Variants in PPT1 observed in about 807,000 individuals in gnomAD.
PPT1 encodes palmitoyl-protein thioesterase 1, also known as ceroid-palmitoyl-palmitoyl-protein thioesterase 1.
PPT1 carries 24 observed loss-of-function variants against 44.0 expected under a neutral mutation model. That is an observed-to-expected ratio of 0.54 (90% CI 0.39 to 0.77). The LOEUF (loss-of-function observed/expected upper bound fraction) is 0.77, where lower values mean the gene tolerates loss of function less well. PPT1 is among the 30% of genes least tolerant of loss of function. PPT1 has a pLI of 0.00. For missense variants in PPT1, 341 were observed against 378.8 expected (o/e 0.90, Z 0.83); for synonymous variants, 148 against 140.2 (o/e 1.06, Z -0.39).
chr1:40,081,539 A>AAAAT (rs778068945), intron 5 of PPT1, among the ~76,000 whole-genome samples: 1,268 of 71,552 alleles, frequency 0.018, 18 homozygotes, highest in African/African-American at 0.051. Flanking sequence ...TCCATCTCAA[A>AAAAT]AAATAAATAA....
At chr1:40,087,226 T>C (rs1570464552) in intron 5 of PPT1, among the ~76,000 whole-genome samples, 1 of 152,018 alleles carries the variant, frequency 6.6e-6, no homozygotes, top group East Asian at 1.9e-4. Context: ...CATCAATCTA[T>C]AGCTTTTAAT....
intron 5 of PPT1, among the ~76,000 whole-genome samples, chr1:40,082,820 A>G (rs1169591780): frequency 6.6e-6 from 1 of 152,210 alleles, no homozygotes; most frequent in African/African-American, 2.4e-5. Context: ...ACAAATTTTC[A>G]GTGTAGGTGA....
intron 8 of PPT1, chr1:40,076,565 C>T (rs1332092895): frequency 1.0e-6 from 1 of 968,420 alleles, no homozygotes; most frequent in Non-Finnish European, 1.2e-6. Context: ...ACCTTTTTAT[C>T]AAAAGAAGGG....
At chr1:40,084,665 T>C (rs568656845) in intron 5 of PPT1, among the ~76,000 whole-genome samples, 20 of 152,360 alleles carry the variant, frequency 1.3e-4, no homozygotes, top group African/African-American at 4.6e-4. Flanking sequence ...AGAGTTATCC[T>C]AGACCTAGAT....
In PPT1 at chr1:40,089,286, C is replaced by CAAAA. The variant is rs10522229; in HGVS notation, c.536+120_536+123dup. The CAAAA allele has an allele frequency of 2.8e-4, 106 of 377,436 alleles. 2 individuals are homozygous for CAAAA. The East Asian group carries it at 5.6e-3, about 20-fold the overall frequency. The allele number at this position is 377,436 out of a possible 1,614,324, so 23.4% of individuals were successfully genotyped here. ...GGGCAACAAGAGCGAAACTCCATCTCAAAAAAAAAGATCTCATTTGAATAT... is the reference window on the plus strand; with the variant it reads ...GGGCAACAAGAGCGAAACTCCATCTCAAAAAAAAAAAAAGATCTCATTTGAATAT... On this transcript the variant is annotated intron_variant, in intron 5 of 8. Coordinates refer to ENST00000642050, the MANE Select transcript of PPT1 (RefSeq NM_000310.4).
chr1:40,080,646 C>T (rs968517082), intron 5 of PPT1, among the ~76,000 whole-genome samples, 159 bp from the exon 6 acceptor site: 1 of 152,100 alleles, frequency 6.6e-6, no homozygotes, highest in African/African-American at 2.4e-5. Context: ...GAGGCTGAGG[C>T]AGGTGGATCA....
intron 4 of PPT1, among the ~76,000 whole-genome samples, chr1:40,090,346 A>G (rs530054733): frequency 1.9e-4 from 29 of 152,168 alleles, no homozygotes; most frequent in African/African-American, 6.5e-4. Flanking sequence ...GTATATATAT[A>G]TATGTGTGTG....
intron 4 of PPT1, among the ~76,000 whole-genome samples, chr1:40,089,801 C>T (rs1159591876): frequency 6.6e-6 from 1 of 152,174 alleles, no homozygotes; most frequent in Non-Finnish European, 1.5e-5. Context: ...ACACAAGTCA[C>T]ATCTGACCAC....
chr1:40,097,225 C>T lies in PPT1; in HGVS notation c.14G>A (p.Gly5Asp). ...AGCCACAGCCAAGAGCCACAGGCAG[C>T]CGGGCGACGCCATCTTCGCTGTGTC... MASP[G>D]CLWLLAVALL... Residue 5 changes from glycine (G) to aspartate (D), a missense_variant, in exon 1 of 9, where the codon GGC (glycine) becomes GAC (aspartate). By Grantham distance (94) the Gly-to-Asp change is moderately conservative. Transcript: ENST00000642050. 1.2e-6 allele frequency: 2 copies of T among 1,613,948 alleles called. No individual in the cohort carries two copies. Among genetic ancestry groups the T allele is most frequent in the Non-Finnish European group, 1.7e-6 (2 of 1,179,904 alleles).
At chr1:40,083,883 CA>C (rs1200077377) in intron 5 of PPT1, among the ~76,000 whole-genome samples, 3 of 151,860 alleles carry the variant, frequency 2.0e-5, no homozygotes, top group Non-Finnish European at 4.4e-5. Flanking sequence ...CCTATCTCTA[CA>C]AAAAAATTAA....
intron 7 of PPT1, 72 bp downstream of exon 7, chr1:40,078,488 C>G: frequency 6.9e-7 from 1 of 1,451,360 alleles, no homozygotes; most frequent in Non-Finnish European, 9.6e-7. Context: ...AGGCATGAGC[C>G]ACCGTGCCCG....
intron 5 of PPT1, among the ~76,000 whole-genome samples, chr1:40,086,903 T>A (rs1649293528): frequency 6.6e-6 from 1 of 152,172 alleles, no homozygotes; most frequent in South Asian, 2.1e-4. Context: ...TATTACTTTC[T>A]TTTAAAATTT....
chr1:40,090,487 T>C (rs1649507568), intron 4 of PPT1, among the ~76,000 whole-genome samples: 1 of 152,176 alleles, frequency 6.6e-6, no homozygotes, highest in Admixed American at 6.5e-5. Flanking sequence ...CACATGTGTG[T>C]GTGTATATAT....
chr1:40,072,805 A>G lies in PPT1; in HGVS notation c.*1256T>C, dbSNP rs185214321. The G allele has an allele frequency of 2.0e-5, 3 of 152,348 alleles. No individual in the cohort carries two copies. Among genetic ancestry groups the G allele is most frequent in the Admixed American group, 2.0e-4 (3 of 15,294 alleles). The allele number at this position is 152,348 out of a possible 1,614,324, so 9.4% of individuals were successfully genotyped here. A position where few individuals can be genotyped will look rare whatever the true frequency, so the allele number is the denominator to read the frequency against. On this transcript the variant is annotated 3_prime_UTR_variant, in exon 9 of 9. Transcript: ENST00000642050. ...TTAATCCTCATCTTTTAGTTGAAGA[A>G]TAAGGCTTAAGAGAGAGAAAGGAAA...
chr1:40,076,323 G>C (rs928025320), intron 8 of PPT1, among the ~76,000 whole-genome samples: 7 of 152,222 alleles, frequency 4.6e-5, no homozygotes, highest in African/African-American at 1.7e-4. Flanking sequence ...AAATTAGCCA[G>C]GTGTGATGGC....
chr1:40,084,397 AT>A lies in PPT1; in HGVS notation c.537-3911del, dbSNP rs1649144555. Among the ~76,000 whole-genome samples, 3 of 152,366 alleles carry A rather than the reference AT, an allele frequency of 2.0e-5. No individual in the cohort carries two copies. The South Asian group carries it at 6.2e-4, about 32-fold the overall frequency. On this transcript the variant is annotated intron_variant, in intron 5 of 8. Transcript: ENST00000642050. Reference sequence around the variant, plus strand: ...TAGAATAAATATTACATAAGCTTACATAAAAGCAGCGGCAGGGTTTGAGGAT... The same window carrying A: ...TAGAATAAATATTACATAAGCTTACAAAAAGCAGCGGCAGGGTTTGAGGAT...
intron 5 of PPT1, 36 bp downstream of exon 5, chr1:40,089,374 G>T: frequency 6.5e-7 from 1 of 1,527,704 alleles, no homozygotes; most frequent in South Asian, 1.1e-5. Context: ...TTCACACGGT[G>T]ACAGGTCTGT....
intron 5 of PPT1, among the ~76,000 whole-genome samples, chr1:40,088,738 G>A (rs1042962295): frequency 6.6e-6 from 1 of 152,154 alleles, no homozygotes; most frequent in Non-Finnish European, 1.5e-5. Flanking sequence ...ATACATTTGA[G>A]TAGTCAGGGA....
Position 40,074,064 on chromosome 1 carries a change from T to C in PPT1, c.918A>G (p.Gly306=). Reference sequence around the variant, plus strand: ...TCTATTGTGAACTATACGGGTTTCATCCAAGGAATGGTATGATGTGGGCAT... The same window carrying C: ...TCTATTGTGAACTATACGGGTTTCACCCAAGGAATGGTATGATGTGGGCAT... ...WFYAHIIPFL[G] Residue 306 remains glycine, a synonymous_variant, in exon 9 of 9, where the codon GGA becomes GGG. Transcript: ENST00000642050. 6.2e-7 allele frequency: 1 copy of C among 1,614,146 alleles called. No homozygotes were observed. The highest frequency in any genetic ancestry group is 8.5e-7 in the Non-Finnish European group (1 of 1,180,022).
Sources: allele counts gnomAD v4.1 joint callset (sites outside exome capture counted in the v4.1 genomes callset), GRCh38; gene constraint gnomAD v4.1.1; transcripts MANE v1.5; gene names NCBI Gene and HGNC (gene_info 2026-07-23, HGNC 2026-07-21).